Variants in NKIRAS2 observed in about 807,000 individuals in gnomAD.
NKIRAS2 encodes the protein NF-kappa-B inhibitor-interacting Ras-like protein 2.
Under a neutral mutation model 20.7 loss-of-function variants are expected in NKIRAS2, and 15 were observed. That is an observed-to-expected ratio of 0.73 (90% CI 0.49 to 1.12). The LOEUF is 1.12. Among genes scored for constraint, NKIRAS2 ranks in the 50% most tolerant of loss-of-function variants. NKIRAS2 has a pLI of 0.00. For synonymous variants in NKIRAS2, 116 were observed against 101.4 expected (o/e 1.14, Z -0.87); for missense variants, 196 against 249.6 (o/e 0.79, Z 1.45).
chr17:42,017,772 G>A, upstream of NKIRAS2: 1 of 352,384 alleles, frequency 2.8e-6, no homozygotes, highest in Non-Finnish European at 5.3e-6. Context: ...GAAAGGCTCC[G>A]TGGAGTCTGG....
rs1162559018 is a variant in NKIRAS2 at position 42,024,035 on chromosome 17, T to C, written c.*142T>C. The C allele has an allele frequency of 2.2e-6, 3 of 1,333,988 alleles. No homozygotes were observed. The African/African-American group carries it at 4.4e-5, about 20-fold the overall frequency. 82.6% of individuals were successfully genotyped at this position (1,333,988 alleles called of 1,614,324 possible). A position where few individuals can be genotyped will look rare whatever the true frequency, so the allele number is the denominator to read the frequency against. ...CCGCCAGGCCACGCCCCAGCCACTT[T>C]GCTCCCTCTCACCTCTGGGAAGTGC... On this transcript the variant is annotated 3_prime_UTR_variant, in exon 4 of 4. Coordinates refer to ENST00000393885, the MANE Select transcript of NKIRAS2 (RefSeq NM_017595.6).
At chr17:42,022,701 G>T in intron 3 of NKIRAS2, 61 bp downstream of exon 3, 1 of 1,559,928 alleles carries the variant, frequency 6.4e-7, no homozygotes, top group Non-Finnish European at 8.7e-7. Context: ...CGGAGGGCTG[G>T]TTTGGGAAGC....
chr17:42,023,553 G>A (rs1555653527), intron 3 of NKIRAS2, 101 bp from the exon 4 acceptor site: 1 of 1,034,324 alleles, frequency 9.7e-7, no homozygotes, highest in Non-Finnish European at 1.4e-6. Flanking sequence ...ATCAGCCATT[G>A]AGCTTTCCTC....
In NKIRAS2 at chr17:42,021,766, G is replaced by A. The variant is rs1229890936; in HGVS notation, c.94+95G>A. ...ACACACAGGCTAAAAGCTGCTCCTGGTGGTTTTCCCCCCTGGAAGAATAAA... is the reference window on the plus strand; with the variant it reads ...ACACACAGGCTAAAAGCTGCTCCTGATGGTTTTCCCCCCTGGAAGAATAAA... On this transcript the variant is annotated intron_variant, in intron 2 of 3. Coordinates refer to ENST00000393885, the MANE Select transcript of NKIRAS2 (RefSeq NM_017595.6). 5.1e-6 allele frequency: 6 copies of A among 1,169,160 alleles called. No homozygotes were observed. In the South Asian group the frequency reaches 6.1e-5, roughly 12 times the overall value. 72.4% of individuals were successfully genotyped at this position (1,169,160 alleles called of 1,614,324 possible). A position where few individuals can be genotyped will look rare whatever the true frequency, so the allele number is the denominator to read the frequency against.
chr17:42,019,375 C>T (rs1215793430), upstream of NKIRAS2, among the ~76,000 whole-genome samples: 1 of 152,210 alleles, frequency 6.6e-6, no homozygotes, highest in African/African-American at 2.4e-5. Flanking sequence ...TCAGTCTTCC[C>T]TCTTCTGCCA....
chr17:42,018,831 T>A (rs1454227498), upstream of NKIRAS2, among the ~76,000 whole-genome samples: 1 of 152,250 alleles, frequency 6.6e-6, no homozygotes, highest in Non-Finnish European at 1.5e-5. Context: ...CACAGCTGTA[T>A]ATCCAACTAT....
In NKIRAS2 at chr17:42,022,461, G is replaced by T. The variant is rs376091977; in HGVS notation, c.157G>T (p.Val53Leu). 24 of 1,612,284 alleles carry T rather than the reference G, an allele frequency of 1.5e-5. No homozygotes were observed. In the African/African-American group the frequency reaches 2.0e-4, roughly 13 times the overall value. The change falls in exon 3 of 4, where the codon GTG becomes TTG. Residue 53 changes from valine to leucine, a missense_variant. Transcript: ENST00000393885. ...GGGCTCCATTGAGACAGACCGGGGGGTGCGAGAGCAGGTGCGTTTCTATGA... is the reference window on the plus strand; with the variant it reads ...GGGCTCCATTGAGACAGACCGGGGGTTGCGAGAGCAGGTGCGTTTCTATGA... Reference protein sequence around the residue: ...YVGSIETDRGVREQVRFYDTR... With the variant: ...YVGSIETDRGLREQVRFYDTR...
chr17:42,021,949 C>A, intron 2 of NKIRAS2: 1 of 620,500 alleles, frequency 1.6e-6, no homozygotes, highest in Non-Finnish European at 3.1e-6. Flanking sequence ...GTGGATCACG[C>A]CTGTAATCCG....
chr17:42,018,801 C>T (rs1040891913), upstream of NKIRAS2, among the ~76,000 whole-genome samples: 1 of 152,196 alleles, frequency 6.6e-6, no homozygotes, highest in Non-Finnish European at 1.5e-5. Context: ...TATCTCCAAC[C>T]TAGACCTTTC....
Position 42,020,146 on chromosome 17 carries a change from C to G in NKIRAS2, c.-73C>G, listed in dbSNP as rs2052403471. The G allele has an allele frequency of 1.3e-5, 2 of 152,446 alleles. No individual in the cohort carries two copies. The highest frequency in any genetic ancestry group is 4.8e-5 in the African/African-American group (2 of 41,474). The allele number at this position is 152,446 out of a possible 1,614,324, so 9.4% of individuals were successfully genotyped here. ...ACTGGAGCCTTTGCGGCGGCGCTGC[C>G]CCTCCCCTGGTCCCCGCGAGCTCGG... On this transcript the variant is annotated 5_prime_UTR_variant, in exon 1 of 4. Coordinates refer to ENST00000393885, the MANE Select transcript of NKIRAS2 (RefSeq NM_017595.6).
At chr17:42,019,343 C>T (rs983952963), upstream of NKIRAS2, among the ~76,000 whole-genome samples, 5 of 152,306 alleles carry the variant, frequency 3.3e-5, no homozygotes, top group Admixed American at 2.0e-4. Context: ...GTCTCCTAAT[C>T]GGTCTCTAAT....
chr17:42,021,392 C>G, intron 1 of NKIRAS2, 172 bp from the exon 2 acceptor site: 1 of 586,974 alleles, frequency 1.7e-6, no homozygotes, highest in Non-Finnish European at 3.1e-6. Context: ...AACCCTGGAA[C>G]TATACATTCA....
In NKIRAS2 at chr17:42,021,613, G is replaced by C. The variant is rs372244750; in HGVS notation, c.36G>C (p.Gln12His). Residue 12 changes from glutamine (Q) to histidine (H), a missense_variant, in exon 2 of 4, where the codon CAG becomes CAC. Gln to His is a conservative substitution (Grantham distance 24, BLOSUM62 0). Coordinates refer to ENST00000393885, the MANE Select transcript of NKIRAS2 (RefSeq NM_017595.6). ...GKSCKVVVCG[Q>H]ASVGKTSILE... is the part of the protein sequence containing the mutation. ...GCTGCAAGGTGGTCGTGTGTGGCCA[G>C]GCGTCTGTGGGCAAAACTTCAATCC... is the stretch of plus-strand genomic sequence containing the variant. 28 of 1,614,072 alleles carry C rather than the reference G, an allele frequency of 1.7e-5. No individual in the cohort carries two copies. The African/African-American group carries it at 2.5e-4, about 15-fold the overall frequency.
At position 42,023,686 on chromosome 17, in the gene NKIRAS2, C is replaced by T; in HGVS notation, c.369C>T (p.Asp123=). 1 of 1,614,212 alleles carries T rather than the reference C, an allele frequency of 6.2e-7. No homozygotes were observed. The highest frequency in any genetic ancestry group is 2.2e-5 in the East Asian group (1 of 44,886). ...TCGTGGTCCTTGGCAACAAGTGTGA[C>T]TTACAGGAGCAGCGGCGTGTAGACC... is the stretch of plus-strand genomic sequence containing the variant. ...VTIVVLGNKC[D]LQEQRRVDPD... Residue 123 remains aspartate (D), a synonymous_variant, in exon 4 of 4, where the codon GAC becomes GAT. Transcript: ENST00000393885.
rs897106480 is a variant in NKIRAS2, at chr17:42,020,177, C to T, written c.-42C>T. On this transcript the variant is annotated 5_prime_UTR_variant, in exon 1 of 4. Transcript: ENST00000393885. ...CCTGGTCCCCGCGAGCTCGGAGGGC[C>T]CGGCTGGTGCTGCGGGGGCCCCGGG... 4 of 152,428 alleles carry T rather than the reference C, an allele frequency of 2.6e-5. No individual in the cohort carries two copies. The highest frequency in any genetic ancestry group is 7.2e-5 in the African/African-American group (3 of 41,474). 9.4% of individuals were successfully genotyped at this position (152,428 alleles called of 1,614,324 possible). A position where few individuals can be genotyped will look rare whatever the true frequency, so the allele number is the denominator to read the frequency against.
intron 3 of NKIRAS2, chr17:42,023,045 C>G (rs527307823): frequency 3.4e-4 from 107 of 315,742 alleles, no homozygotes; most frequent in South Asian, 2.5e-3. Context: ...CTCTGCCACC[C>G]AGGCTGGAGT....
chr17:42,024,171 T>C lies in NKIRAS2; in HGVS notation c.*278T>C. The C allele has an allele frequency of 4.7e-6, 2 of 425,392 alleles. No homozygotes were observed. The highest frequency in any genetic ancestry group is 2.4e-5 in the South Asian group (1 of 42,540). 26.4% of individuals were successfully genotyped at this position (425,392 alleles called of 1,614,324 possible). On this transcript the variant is annotated 3_prime_UTR_variant, in exon 4 of 4. Coordinates refer to ENST00000393885, the MANE Select transcript of NKIRAS2 (RefSeq NM_017595.6). Reference sequence around the variant, plus strand: ...TGGGGCAGTTGTGGGTCACTGTCCCTTCCAGCTGCCCCAGACAGGAAGCAG... The same window carrying C: ...TGGGGCAGTTGTGGGTCACTGTCCCCTCCAGCTGCCCCAGACAGGAAGCAG...
chr17:42,022,827 G>C (rs1369625298), intron 3 of NKIRAS2, among the ~76,000 whole-genome samples, 187 bp downstream of exon 3: 1 of 152,156 alleles, frequency 6.6e-6, no homozygotes, highest in Non-Finnish European at 1.5e-5. Context: ...CTCAACAAAA[G>C]AGGCCTCTTT....
chr17:42,022,752 C>T, intron 3 of NKIRAS2, 112 bp downstream of exon 3: 1 of 1,359,018 alleles, frequency 7.4e-7, no homozygotes. Flanking sequence ...GAGTTAGGAG[C>T]CAGAGGTGGG....
Sources: allele counts gnomAD v4.1 joint callset (sites outside exome capture counted in the v4.1 genomes callset), GRCh38; gene constraint gnomAD v4.1.1; transcripts MANE v1.5; gene names NCBI Gene and HGNC (gene_info 2026-07-23, HGNC 2026-07-21).